The following SDK1 variants were observed in gnomAD, a reference collection of about 807,000 sequenced individuals.
SDK1 encodes sidekick cell adhesion molecule 1.
SDK1 carries 157 observed loss-of-function variants against 245.5 expected under a neutral mutation model. The ratio of observed to expected loss-of-function variants is 0.64; its 90% CI spans 0.56 to 0.73. The LOEUF is 0.73. Ranked by LOEUF, SDK1 falls within the 30% of genes least tolerant of loss-of-function variation. The pLI is 0.00. For missense variants in SDK1, 3,583 were observed against 3,002.3 expected (o/e 1.19, Z -4.52); for synonymous variants, 1,647 against 1,278.5 (o/e 1.29, Z -6.15).
At chr7:3,311,987 C>A (rs970729621) in intron 1 of SDK1, among the ~76,000 whole-genome samples, 7 of 152,142 alleles carry the variant, frequency 4.6e-5, no homozygotes, top group African/African-American at 1.4e-4. Flanking sequence ...AGTAAAGGTT[C>A]TCTAGCATCA....
chr7:3,926,620 C>G (rs1034719941), intron 5 of SDK1, among the ~76,000 whole-genome samples: 1 of 152,116 alleles, frequency 6.6e-6, no homozygotes, highest in African/African-American at 2.4e-5. Context: ...CTCAAGCTGT[C>G]TGCCCACCTT....
intron 1 of SDK1, 91 bp from the exon 2 acceptor site, chr7:3,618,989 C>T (rs113941660): frequency 3.4e-5 from 35 of 1,040,570 alleles, no homozygotes; most frequent in Admixed American, 1.8e-4. Flanking sequence ...TTTAATATTA[C>T]GTTTGTTTAA....
intron 1 of SDK1, among the ~76,000 whole-genome samples, chr7:3,423,087 A>G (rs1196425935): frequency 1.3e-5 from 2 of 152,220 alleles, no homozygotes; most frequent in African/African-American, 4.8e-5. Flanking sequence ...CTAGGGAATA[A>G]TCCTAATCAA....
chr7:3,640,554 TTAAA>T (rs1288069906), intron 3 of SDK1, among the ~76,000 whole-genome samples: 2 of 152,188 alleles, frequency 1.3e-5, no homozygotes, highest in Non-Finnish European at 2.9e-5. Context: ...AATGTAATCA[TTAAA>T]TAGAGTGAAG....
intron 5 of SDK1, among the ~76,000 whole-genome samples, chr7:3,936,408 C>A (rs1780160239): frequency 6.6e-6 from 1 of 151,856 alleles, no homozygotes; most frequent in South Asian, 2.1e-4. Context: ...GGTGAAACCC[C>A]ATCTGTACTA....
At chr7:3,322,692 GT>G (rs1163206046) in intron 1 of SDK1, among the ~76,000 whole-genome samples, 2 of 152,138 alleles carry the variant, frequency 1.3e-5, no homozygotes, top group African/African-American at 4.8e-5. Context: ...TCTGAGCTTT[GT>G]TTTCCTTTGC....
At chr7:4,205,050 TG>T (rs1418448591) in intron 35 of SDK1, among the ~76,000 whole-genome samples, 1 of 75,526 alleles carries the variant, frequency 1.3e-5, no homozygotes, top group Non-Finnish European at 2.6e-5. Flanking sequence ...TCCTTTGGTT[TG>T]CGTGTGCCAT....
Position 3,489,310 on chromosome 7 carries a change from G to A in SDK1, c.299-129770G>A, listed in dbSNP as rs192318385. ...TCATTTGGGATATTTATTCCTTCAGGTGTAACTTAAGCATCTTTTTTGACT... is the reference window on the plus strand; with the variant it reads ...TCATTTGGGATATTTATTCCTTCAGATGTAACTTAAGCATCTTTTTTGACT... On this transcript the variant is annotated intron_variant, in intron 1 of 44. Transcript: ENST00000404826. 5.6e-4 allele frequency among the ~76,000 whole-genome samples: 86 copies of A among 152,266 alleles called. 2 individuals are homozygous for A. Among genetic ancestry groups the A allele is most frequent in the Non-Finnish European group, 1.1e-3 (73 of 68,014 alleles).
intron 30 of SDK1, among the ~76,000 whole-genome samples, chr7:4,157,775 G>A (rs1040938751): frequency 6.6e-6 from 1 of 152,134 alleles, no homozygotes; most frequent in Non-Finnish European, 1.5e-5. Context: ...CTCTCCCAGA[G>A]CTCGTGTGAG....
intron 4 of SDK1, among the ~76,000 whole-genome samples, chr7:3,713,778 T>C (rs1785119864): frequency 6.6e-6 from 1 of 152,192 alleles, no homozygotes; most frequent in Non-Finnish European, 1.5e-5. Context: ...ATTTAATTGA[T>C]TAAATACATG....
intron 25 of SDK1, among the ~76,000 whole-genome samples, chr7:4,125,804 C>T (rs1784361029): frequency 6.6e-6 from 1 of 152,210 alleles, no homozygotes; most frequent in Non-Finnish European, 1.5e-5. Flanking sequence ...TGCTGACCAA[C>T]AAGTGCTGAC....
At position 4,135,970 on chromosome 7, in the gene SDK1, C is replaced by G. The variant is rs184038420; in HGVS notation, c.4228+3547C>G. On this transcript the variant is annotated intron_variant, in intron 28 of 44. Coordinates refer to ENST00000404826, the MANE Select transcript of SDK1 (RefSeq NM_152744.4). The stretch of plus-strand genomic sequence containing the variant: ...TGCTGAAGCAGAGGCTTCTTGCCGA[C>G]AAGAGAAAGAAAACTTAGAAGGCTG... Among the ~76,000 whole-genome samples, 26 of 152,274 alleles carry G rather than the reference C, an allele frequency of 1.7e-4. No homozygotes were observed. The East Asian group carries it at 4.8e-3, about 28-fold the overall frequency.
At chr7:3,767,747 T>G (rs909019264) in intron 4 of SDK1, among the ~76,000 whole-genome samples, 4 of 152,162 alleles carry the variant, frequency 2.6e-5, no homozygotes, top group African/African-American at 7.2e-5. Context: ...GTCTGTGTTC[T>G]TAATTATCTA....
intron 1 of SDK1, among the ~76,000 whole-genome samples, chr7:3,615,015 G>C (rs1375103255): frequency 1.3e-5 from 2 of 151,474 alleles, no homozygotes; most frequent in East Asian, 1.9e-4. Flanking sequence ...TTGAGTTGTA[G>C]TATCATTTTA....
intron 1 of SDK1, among the ~76,000 whole-genome samples, chr7:3,426,237 T>C (rs975098480): frequency 3.9e-5 from 6 of 152,038 alleles, no homozygotes; most frequent in African/African-American, 1.5e-4. Flanking sequence ...CTGTTTGCTG[T>C]GGGACAAGAG....
chr7:3,759,647 TG>T (rs1415654934), intron 4 of SDK1, among the ~76,000 whole-genome samples: 1 of 151,736 alleles, frequency 6.6e-6, no homozygotes, highest in Non-Finnish European at 1.5e-5. Context: ...TCGCCCAGGC[TG>T]GAGTGCAGCC....
chr7:4,052,469 G>A (rs1296945249), intron 19 of SDK1, among the ~76,000 whole-genome samples: 2 of 152,044 alleles, frequency 1.3e-5, no homozygotes, highest in African/African-American at 4.8e-5. Flanking sequence ...GGGAGAATTG[G>A]GAAAAAGTAT....
chr7:3,539,453 C>T (rs775407423), intron 1 of SDK1, among the ~76,000 whole-genome samples: 45 of 152,138 alleles, frequency 3.0e-4, no homozygotes, highest in Non-Finnish European at 5.0e-4. Context: ...ACCTGGAGTA[C>T]GCAGAAGAGG....
Position 4,265,621 on chromosome 7 carries a change from GAGA to G in SDK1, c.*240_*242del. Reference sequence around the variant, plus strand: ...TTGTTTCTTTTTCTTTTCTTTTTAAGAGAAGGTGTATTTCACTGGTGCAATGGC... The same window carrying G: ...TTGTTTCTTTTTCTTTTCTTTTTAAGAGGTGTATTTCACTGGTGCAATGGC... On this transcript the variant is annotated 3_prime_UTR_variant, in exon 45 of 45. Transcript: ENST00000404826. 2 of 1,330,928 alleles carry G rather than the reference GAGA, an allele frequency of 1.5e-6. No homozygotes were observed. The highest frequency in any genetic ancestry group is 1.9e-6 in the Non-Finnish European group (2 of 1,049,540). The allele number at this position is 1,330,928 out of a possible 1,614,324, so 82.4% of individuals were successfully genotyped here.
Sources: allele counts gnomAD v4.1 joint callset (sites outside exome capture counted in the v4.1 genomes callset), GRCh38; gene constraint gnomAD v4.1.1; transcripts MANE v1.5; gene names NCBI Gene and HGNC (gene_info 2026-07-23, HGNC 2026-07-21).